Variants in TUT4 observed in about 807,000 individuals in gnomAD.
TUT4 encodes terminal uridylyltransferase 4.
TUT4 carries 36 observed loss-of-function variants against 192.2 expected under a neutral mutation model. The observed-to-expected ratio is 0.19, with a 90% CI of 0.14 to 0.25. The LOEUF is 0.25. Ranked by LOEUF, TUT4 falls within the 10% of genes least tolerant of loss-of-function variation. The probability of loss-of-function intolerance (pLI) is 1.00; values close to 1 mark genes in which losing one functional copy is unlikely to be tolerated. For missense variants in TUT4, 1,493 were observed against 1,957.2 expected (o/e 0.76, Z 4.47); for synonymous variants, 618 against 666.0 (o/e 0.93, Z 1.11).
At chr1:52,469,105 AATG>A (rs1166886829) in intron 14 of TUT4, among the ~76,000 whole-genome samples, 12 of 152,326 alleles carry the variant, frequency 7.9e-5, no homozygotes, top group Non-Finnish European at 1.5e-4. Flanking sequence ...ATGACACTCT[AATG>A]GTGGATACAT....
chr1:52,549,276 A>C (rs894834345), intron 1 of TUT4, among the ~76,000 whole-genome samples: 1 of 152,150 alleles, frequency 6.6e-6, no homozygotes, highest in African/African-American at 2.4e-5. Context: ...TACAACATAA[A>C]TGGTCCCTCA....
chr1:52,475,346 G>C lies in TUT4; in HGVS notation c.2213C>G (p.Ser738Trp), dbSNP rs749101927. 42 of 1,614,008 alleles carry C rather than the reference G, an allele frequency of 2.6e-5. No individual in the cohort carries two copies. The highest frequency in any genetic ancestry group is 3.4e-5 in the Non-Finnish European group (40 of 1,180,006). Residue 738 changes from serine to tryptophan, a missense_variant, in exon 13 of 30, where the codon TCG (serine) becomes TGG (tryptophan). Physicochemically the swap from Ser to Trp is radical, Grantham distance 177. This residue lies in a region of TUT4 where 245 missense variants were observed against 218.4 expected (regional missense o/e 1.12). Coordinates refer to ENST00000257177, the MANE Select transcript of TUT4 (RefSeq NM_001009881.3). The stretch of plus-strand genomic sequence containing the variant: ...ACAACCATTGGTTGCCATATTGTTC[G>C]ACTTGACTGGTTTCTTATTGCTTAT... ...GKISNKKPVK[S>W]NNMATNGCIL... is the part of the protein sequence containing the mutation.
At chr1:52,547,890 T>A (rs1010816328) in intron 1 of TUT4, among the ~76,000 whole-genome samples, 7 of 152,204 alleles carry the variant, frequency 4.6e-5, no homozygotes, top group Admixed American at 4.6e-4. Flanking sequence ...GAACTGGGTT[T>A]CATTATGGGA....
At chr1:52,481,397 C>CAA (rs762601831) in intron 11 of TUT4, 26 bp downstream of exon 11, 32 of 1,608,828 alleles carry the variant, frequency 2.0e-5, no homozygotes, top group Admixed American at 1.7e-4. Context: ...ATAGAAAAGC[C>CAA]AAAAAACAAA....
At chr1:52,459,046 G>C (rs74878254) in intron 19 of TUT4, among the ~76,000 whole-genome samples, 1 of 152,094 alleles carries the variant, frequency 6.6e-6, no homozygotes, top group Non-Finnish European at 1.5e-5. Context: ...TGATGGTCTC[G>C]TGGTTAGGAT....
In TUT4 at chr1:52,483,297, TAA is replaced by T. The variant is rs1307512804; in HGVS notation, c.1516-1376_1516-1375del. 5.3e-5 allele frequency among the ~76,000 whole-genome samples: 8 copies of T among 152,226 alleles called. No individual in the cohort carries two copies. In the East Asian group the frequency reaches 1.5e-3, roughly 29 times the overall value. ...TATTTTCATCCAATACATCAATTTA[TAA>T]GAGTTTTAATTATAGATAATAACCC... is the stretch of plus-strand genomic sequence containing the variant. On this transcript the variant is annotated intron_variant, in intron 9 of 29. Transcript: ENST00000257177.
At chr1:52,522,916 C>T (rs531854335) in intron 2 of TUT4, among the ~76,000 whole-genome samples, 24 of 151,634 alleles carry the variant, frequency 1.6e-4, no homozygotes, top group Admixed American at 3.9e-4. Context: ...CAGAGTGAAG[C>T]TCTGTCTCAA....
chr1:52,514,715 A>G (rs1678230603), intron 3 of TUT4: 1 of 150,230 alleles, frequency 6.7e-6, no homozygotes, highest in South Asian at 2.1e-4. Flanking sequence ...ATGATGACCT[A>G]TTTCCTTGTA....
intron 7 of TUT4, among the ~76,000 whole-genome samples, chr1:52,493,280 A>G (rs1671647405): frequency 6.6e-6 from 1 of 152,148 alleles, no homozygotes; most frequent in African/African-American, 2.4e-5. Context: ...ACGGGGTTTC[A>G]GCATGTTAGT....
chr1:52,431,482 T>G, intron 27 of TUT4, 22 bp from the exon 28 acceptor site: 1 of 1,454,658 alleles, frequency 6.9e-7, no homozygotes, highest in Non-Finnish European at 9.1e-7. Flanking sequence ...AAAAAAATTT[T>G]TTTTAATTAA....
In TUT4 at chr1:52,485,629, G is replaced by A. The variant is rs1209566169; in HGVS notation, c.1515+3280C>T. On this transcript the variant is annotated intron_variant, in intron 9 of 29. Transcript: ENST00000257177. ...TCATCATAAACTTCCATTTCTAGCT[G>A]ACTTAAAAGTTTCTGTTAGGGAGAA... is the stretch of plus-strand genomic sequence containing the variant. Among the ~76,000 whole-genome samples, 3 of 151,840 alleles carry A rather than the reference G, an allele frequency of 2.0e-5. No homozygotes were observed. In the East Asian group the frequency reaches 5.8e-4, roughly 29 times the overall value.
intron 5 of TUT4, 39 bp from the exon 6 acceptor site, chr1:52,495,554 G>A: frequency 1.4e-6 from 2 of 1,465,822 alleles, no homozygotes; most frequent in Non-Finnish European, 1.9e-6. Flanking sequence ...GAAATAGCAT[G>A]CAAATATGAG....
chr1:52,495,417 A>G lies in TUT4; in HGVS notation c.1266+10T>C, dbSNP rs1570943872. On this transcript the variant is annotated intron_variant, in intron 6 of 29. Coordinates refer to ENST00000257177, the MANE Select transcript of TUT4 (RefSeq NM_001009881.3). ...TTAAGAACCACACAGGAAAGATTCT[A>G]ATTACTTACCTTGGGAGGAAATTTT... 6.5e-7 allele frequency: 1 copy of G among 1,545,248 alleles called. No homozygotes were observed. The highest frequency in any genetic ancestry group is 2.3e-5 in the East Asian group (1 of 44,276).
Position 52,488,902 on chromosome 1 carries a change from C to T in TUT4, c.1515+7G>A, listed in dbSNP as rs1670470724. ...ATAAATAAGTAGTTTTCCTCTCTTT[C>T]ACTTACCTTAGCCCAGTAGCGAAAG... On this transcript the variant is annotated splice_region_variant and intron_variant, in intron 9 of 29. Coordinates refer to ENST00000257177, the MANE Select transcript of TUT4 (RefSeq NM_001009881.3). The T allele has an allele frequency of 6.3e-7, 1 of 1,592,572 alleles. No homozygotes were observed. Among genetic ancestry groups the T allele is most frequent in the Non-Finnish European group, 8.5e-7 (1 of 1,174,332 alleles).
chr1:52,423,574 G>C lies in TUT4; in HGVS notation c.*361C>G, dbSNP rs1426286542. ...ATGAATACAGCTAATAGAAAATAAA[G>C]AATGTAATTTTTTAAATTCTCTCTT... On this transcript the variant is annotated 3_prime_UTR_variant, in exon 30 of 30. Transcript: ENST00000257177. 6.7e-6 allele frequency: 2 copies of C among 298,894 alleles called. No homozygotes were observed. The highest frequency in any genetic ancestry group is 1.3e-5 in the Non-Finnish European group (2 of 153,620). 18.5% of individuals were successfully genotyped at this position (298,894 alleles called of 1,614,324 possible). A position where few individuals can be genotyped will look rare whatever the true frequency, so the allele number is the denominator to read the frequency against.
intron 24 of TUT4, among the ~76,000 whole-genome samples, chr1:52,444,036 G>A (rs1033305779): frequency 2.0e-5 from 3 of 152,300 alleles, no homozygotes; most frequent in African/African-American, 4.8e-5. Context: ...AGGAGATTGA[G>A]ACCATCCTGG....
chr1:52,519,027 A>T (rs991000967), intron 2 of TUT4, among the ~76,000 whole-genome samples: 2 of 152,188 alleles, frequency 1.3e-5, no homozygotes, highest in Non-Finnish European at 2.9e-5. Context: ...CTAAATATAT[A>T]TACTGAAAAA....
chr1:52,468,161 T>A lies in TUT4; in HGVS notation c.2965+20A>T, dbSNP rs781747670. 1.9e-6 allele frequency: 3 copies of A among 1,567,842 alleles called. No individual in the cohort carries two copies. The highest frequency in any genetic ancestry group is 2.6e-6 in the Non-Finnish European group (3 of 1,153,512). ...ATGACTACAGCAAAAACGCAATAAA[T>A]TTTTTAACCTATGACATACCATCAT... On this transcript the variant is annotated intron_variant, in intron 15 of 29. Coordinates refer to ENST00000257177, the MANE Select transcript of TUT4 (RefSeq NM_001009881.3).
chr1:52,493,405 ATT>A (rs200356619), intron 7 of TUT4, among the ~76,000 whole-genome samples: 1 of 145,234 alleles, frequency 6.9e-6, no homozygotes, highest in African/African-American at 2.5e-5. Flanking sequence ...TTAATATGGC[ATT>A]TTTTTTTTTA....
Sources: gnomAD v4.1 joint callset for allele counts (sites outside exome capture counted in the v4.1 genomes callset) on GRCh38, gnomAD v4.1.1 for gene constraint, gnomAD v4.1.1 regional missense constraint, MANE v1.5 for transcripts, NCBI Gene and HGNC (gene_info 2026-07-23, HGNC 2026-07-21) for gene names.